Variants in RTN4RL2 observed in about 807,000 individuals in gnomAD.
The protein encoded by RTN4RL2 is reticulon-4 receptor-like 2.
A neutral mutation model predicts 27.8 loss-of-function variants in RTN4RL2; 9 were observed. The ratio of observed to expected loss-of-function variants is 0.32; its 90% CI spans 0.20 to 0.57. The LOEUF (loss-of-function observed/expected upper bound fraction) is 0.57. Ranked by LOEUF, RTN4RL2 falls within the 20% of genes least tolerant of loss-of-function variation. RTN4RL2 has a pLI of 0.90. For synonymous variants in RTN4RL2, 285 were observed against 297.9 expected (o/e 0.96, Z 0.45); for missense variants, 436 against 596.8 (o/e 0.73, Z 2.81).
At chr11:57,462,345 C>T (rs537733432) in intron 1 of RTN4RL2, among the ~76,000 whole-genome samples, 1 of 152,300 alleles carries the variant, frequency 6.6e-6, no homozygotes, top group African/African-American at 2.4e-5. Flanking sequence ...CCTCAGCTCC[C>T]ACCTCCTCAG....
At chr11:57,465,850 GAA>G (rs200577154) in intron 1 of RTN4RL2, among the ~76,000 whole-genome samples, 4 of 137,014 alleles carry the variant, frequency 2.9e-5, no homozygotes, top group Non-Finnish European at 4.8e-5. Flanking sequence ...TACTTTGGGG[GAA>G]AAAAAAAAAA....
intron 1 of RTN4RL2, among the ~76,000 whole-genome samples, chr11:57,462,063 G>T (rs1466557266): frequency 6.6e-6 from 1 of 152,058 alleles, no homozygotes; most frequent in African/African-American, 2.4e-5. Context: ...GGCCCTGGGG[G>T]TGGCTGTGAG....
chr11:57,472,944 G>A (rs771517380), intron 2 of RTN4RL2, among the ~76,000 whole-genome samples: 1 of 152,188 alleles, frequency 6.6e-6, no homozygotes, highest in Non-Finnish European at 1.5e-5. Flanking sequence ...TTGGACCCTA[G>A]GCGAGTCACT....
chr11:57,464,994 C>CG (rs1379706120), intron 1 of RTN4RL2, among the ~76,000 whole-genome samples: 1 of 152,206 alleles, frequency 6.6e-6, no homozygotes, highest in Non-Finnish European at 1.5e-5. Flanking sequence ...TACACACGCA[C>CG]GGGGCCCGGC....
intron 2 of RTN4RL2, chr11:57,468,470 C>A: frequency 8.4e-7 from 1 of 1,194,784 alleles, no homozygotes; most frequent in South Asian, 1.4e-5. Context: ...CACACCCACT[C>A]CGCATACACC....
At position 57,460,814 on chromosome 11, in the gene RTN4RL2, C is replaced by G; in HGVS notation, c.-52C>G. 8.5e-7 allele frequency: 1 copy of G among 1,179,450 alleles called. No homozygotes were observed. Among genetic ancestry groups the G allele is most frequent in the South Asian group, 1.7e-5 (1 of 60,260 alleles). The allele number at this position is 1,179,450 out of a possible 1,614,324, so 73.1% of individuals were successfully genotyped here. ...CCGTGCATCCGGCGGGCTCAGGGAG[C>G]GAGTGGGAGCGCCCTCCCCCCGCTG... On this transcript the variant is annotated 5_prime_UTR_variant, in exon 1 of 3. Transcript: ENST00000335099.
intron 2 of RTN4RL2, chr11:57,468,883 T>C: frequency 1.1e-6 from 1 of 873,238 alleles, no homozygotes; most frequent in Non-Finnish European, 1.8e-6. Context: ...CTAATTATTG[T>C]TTATTGTTGT....
At chr11:57,473,428 G>A (rs1943575788) in intron 2 of RTN4RL2, among the ~76,000 whole-genome samples, 1 of 152,160 alleles carries the variant, frequency 6.6e-6, no homozygotes. Context: ...ACAGGATGCT[G>A]TCAGGGAAGC....
At chr11:57,462,289 C>T (rs1943490736) in intron 1 of RTN4RL2, among the ~76,000 whole-genome samples, 1 of 152,088 alleles carries the variant, frequency 6.6e-6, no homozygotes, top group African/African-American at 2.4e-5. Context: ...GTCAGTGCCT[C>T]CCCAGGCCCC....
intron 1 of RTN4RL2, among the ~76,000 whole-genome samples, chr11:57,461,127 G>A (rs1054560332): frequency 6.6e-6 from 1 of 152,146 alleles, no homozygotes; most frequent in African/African-American, 2.4e-5. Flanking sequence ...TGGGACGCAG[G>A]GGGCAGGTGG....
chr11:57,468,662 G>A lies in RTN4RL2; in HGVS notation c.513+572G>A, dbSNP rs899129347. The A allele has an allele frequency of 4.1e-5, 63 of 1,536,416 alleles. No individual in the cohort carries two copies. The African/African-American group carries it at 6.7e-4, about 16-fold the overall frequency. ...GAGAGAAGGCAGAGCCACAGCCACT[G>A]GCATCCCACAGAAAGTTGCGCTTCT... On this transcript the variant is annotated intron_variant, in intron 2 of 2. Transcript: ENST00000335099.
chr11:57,471,027 G>A (rs1943559913), intron 2 of RTN4RL2, among the ~76,000 whole-genome samples: 1 of 152,032 alleles, frequency 6.6e-6, no homozygotes, highest in South Asian at 2.1e-4. Context: ...CTTGAAGTCA[G>A]GAGTTCGAGA....
chr11:57,470,943 C>T (rs1017357415), intron 2 of RTN4RL2, among the ~76,000 whole-genome samples: 4 of 151,928 alleles, frequency 2.6e-5, no homozygotes, highest in Non-Finnish European at 5.9e-5. Context: ...GTATAGAAAG[C>T]CCATAGTTCA....
At chr11:57,469,621 AT>A (rs1181468464) in intron 2 of RTN4RL2, among the ~76,000 whole-genome samples, 2 of 152,180 alleles carry the variant, frequency 1.3e-5, no homozygotes, top group African/African-American at 4.8e-5. Context: ...TTAAAATACT[AT>A]TTTAAAAAAA....
Position 57,460,627 on chromosome 11 carries a change from G to T in RTN4RL2, c.-239G>T. ...GGGGCGCGGGCGCTGGGCGTCGACG[G>T]CCAGCCCCAGCCTTCCCCGCCCCGT... On this transcript the variant is annotated 5_prime_UTR_variant, in exon 1 of 3. Transcript: ENST00000335099. 1 of 200,186 alleles carries T rather than the reference G, an allele frequency of 5.0e-6. No individual in the cohort carries two copies. Among genetic ancestry groups the T allele is most frequent in the Non-Finnish European group, 1.0e-5 (1 of 100,144 alleles). 12.4% of individuals were successfully genotyped at this position (200,186 alleles called of 1,614,324 possible).
intron 1 of RTN4RL2, among the ~76,000 whole-genome samples, chr11:57,463,673 G>C (rs184411204): frequency 6.6e-6 from 1 of 152,322 alleles, no homozygotes; most frequent in East Asian, 1.9e-4. Flanking sequence ...CAGGAGTGGA[G>C]CCGTGGTCCT....
Position 57,468,016 on chromosome 11 carries a change from C to T in RTN4RL2, c.439C>T (p.Pro147Ser). The change falls in exon 2 of 3, where the codon CCC becomes TCC. Residue 147 changes from proline (P) to serine (S), a missense_variant. Transcript: ENST00000335099. ...GTACCGCTGCCAGCTCAGCAGCCTG[C>T]CCGGCAACATCTTCCGAGGCCTGGT... is the stretch of plus-strand genomic sequence containing the variant. ...HLYRCQLSSL[P>S]GNIFRGLVSL... 1 of 1,602,266 alleles carries T rather than the reference C, an allele frequency of 6.2e-7. No homozygotes were observed. Among genetic ancestry groups the T allele is most frequent in the East Asian group, 2.2e-5 (1 of 44,862 alleles).
chr11:57,468,886 A>G, intron 2 of RTN4RL2: 2 of 864,160 alleles, frequency 2.3e-6, no homozygotes, highest in Non-Finnish European at 3.8e-6. Flanking sequence ...ATTATTGTTT[A>G]TTGTTGTTAT....
At chr11:57,468,797 T>C (rs1943543983) in intron 2 of RTN4RL2, 4 of 1,443,522 alleles carry the variant, frequency 2.8e-6, no homozygotes, top group Admixed American at 2.0e-5. Context: ...TAAATCTCTG[T>C]TATGCAGCTG....
Sources: gnomAD v4.1 joint callset for allele counts (sites outside exome capture counted in the v4.1 genomes callset) on GRCh38, gnomAD v4.1.1 for gene constraint, MANE v1.5 for transcripts, NCBI Gene and HGNC (gene_info 2026-07-23, HGNC 2026-07-21) for gene names.